The following NXPH4 variants were observed in gnomAD, a reference collection of about 807,000 sequenced individuals.
NXPH4 encodes neurexophilin 4.
Under a neutral mutation model 21.3 loss-of-function variants are expected in NXPH4, and 8 were observed. The ratio of observed to expected loss-of-function variants is 0.38; its 90% CI spans 0.22 to 0.68. The LOEUF (loss-of-function observed/expected upper bound fraction) is 0.68, where lower values mean the gene tolerates loss of function less well. Ranked by LOEUF, NXPH4 falls within the 30% of genes least tolerant of loss-of-function variation. NXPH4 has a pLI of 0.53. For missense variants in NXPH4, 418 were observed against 416.8 expected, an observed-to-expected ratio of 1.00 and a Z score of -0.03; for synonymous variants, 219 against 192.6, an observed-to-expected ratio of 1.14 and a Z score of -1.13.
Position 57,225,795 on chromosome 12 carries a change from C to G in NXPH4, c.*48C>G, listed in dbSNP as rs748605362. The G allele has an allele frequency of 6.7e-5, 105 of 1,572,216 alleles. No homozygotes were observed. Among genetic ancestry groups the G allele is most frequent in the Admixed American group, 1.0e-4 (6 of 57,580 alleles). On this transcript the variant is annotated 3_prime_UTR_variant, in exon 2 of 2. Coordinates refer to ENST00000349394, the MANE Select transcript of NXPH4 (RefSeq NM_007224.4). Reference sequence around the variant, plus strand: ...AGCCTCCCGCCAAATCCCAGCCTCACTAGGTGGGACCCCCTTCCCAGTGTT... The same window carrying G: ...AGCCTCCCGCCAAATCCCAGCCTCAGTAGGTGGGACCCCCTTCCCAGTGTT...
chr12:57,221,925 C>T (rs1312777478), intron 1 of NXPH4, among the ~76,000 whole-genome samples: 1 of 152,012 alleles, frequency 6.6e-6, no homozygotes, highest in African/African-American at 2.4e-5. Flanking sequence ...GGGAGAAAAT[C>T]AGAATCATGG....
At chr12:57,222,254 C>T (rs2037099049) in intron 1 of NXPH4, among the ~76,000 whole-genome samples, 2 of 152,084 alleles carry the variant, frequency 1.3e-5, no homozygotes, top group Admixed American at 1.3e-4. Context: ...CCAGGGGATT[C>T]GCCAGGATCA....
intron 1 of NXPH4, among the ~76,000 whole-genome samples, chr12:57,217,898 G>T (rs556305463): frequency 6.6e-6 from 1 of 152,362 alleles, no homozygotes; most frequent in East Asian, 1.9e-4. Flanking sequence ...GGGGCCGAGG[G>T]TACATGTGTA....
At chr12:57,217,610 A>AC (rs767773067) in intron 1 of NXPH4, among the ~76,000 whole-genome samples, 2 of 149,748 alleles carry the variant, frequency 1.3e-5, no homozygotes, top group African/African-American at 2.5e-5. Flanking sequence ...TCACAGACAC[A>AC]CCCCCCTCTC....
rs571411367 is a variant in NXPH4, at chr12:57,218,415, T to TG, written c.57+1397dup. On this transcript the variant is annotated intron_variant, in intron 1 of 1. Coordinates refer to ENST00000349394, the MANE Select transcript of NXPH4 (RefSeq NM_007224.4). ...CTCTGTCCTTAGTGAACTGGAGGAGTGGGGGGGGTCTGTGCCCTACCACCC... is the reference window on the plus strand; with the variant it reads ...CTCTGTCCTTAGTGAACTGGAGGAGTGGGGGGGGGTCTGTGCCCTACCACCC... Among the ~76,000 whole-genome samples, 962 of 151,270 alleles carry TG rather than the reference T, an allele frequency of 6.4e-3. 6 individuals are homozygous for TG. Among genetic ancestry groups the TG allele is most frequent in the Admixed American group, 0.011 (160 of 15,198 alleles).
chr12:57,218,818 T>C (rs538946224), intron 1 of NXPH4, among the ~76,000 whole-genome samples: 119 of 152,312 alleles, frequency 7.8e-4, no homozygotes, highest in African/African-American at 2.8e-3. Context: ...CGGGGAGGTG[T>C]GGGTATATGA....
chr12:57,217,081 G>T, intron 1 of NXPH4, 55 bp downstream of exon 1: 1 of 1,494,300 alleles, frequency 6.7e-7, no homozygotes. Flanking sequence ...GGGACGCGAA[G>T]GTCCCAGTGT....
At position 57,225,335 on chromosome 12, in the gene NXPH4, T is replaced by TC; in HGVS notation, c.520dup (p.His174ProfsTer65). On this transcript the variant is annotated frameshift_variant, in exon 2 of 2. Coordinates refer to ENST00000349394, the MANE Select transcript of NXPH4 (RefSeq NM_007224.4). LOFTEE classifies it high-confidence loss of function. ...GGAGGAGTCTGGCTGCCCGGGCCTGTCCCCCACCCTCTGCAGTCTACGCTC... is the reference window on the plus strand; with the variant it reads ...GGAGGAGTCTGGCTGCCCGGGCCTGTCCCCCCACCCTCTGCAGTCTACGCTC... The TC allele has an allele frequency of 6.4e-7, 1 of 1,568,072 alleles. No homozygotes were observed. The highest frequency in any genetic ancestry group is 1.2e-5 in the South Asian group (1 of 83,710).
At position 57,225,763 on chromosome 12, in the gene NXPH4, A is replaced by T. The variant is rs763772037; in HGVS notation, c.*16A>T. The stretch of plus-strand genomic sequence containing the variant: ...CTTCGGATAGCGCCCCTCCCCAGCC[A>T]GTCCTGAGCCTCCCGCCAAATCCCA... On this transcript the variant is annotated 3_prime_UTR_variant, in exon 2 of 2. Coordinates refer to ENST00000349394, the MANE Select transcript of NXPH4 (RefSeq NM_007224.4). The T allele has an allele frequency of 1.3e-6, 2 of 1,598,134 alleles. No individual in the cohort carries two copies. The highest frequency in any genetic ancestry group is 2.2e-5 in the East Asian group (1 of 44,602).
intron 1 of NXPH4, among the ~76,000 whole-genome samples, chr12:57,220,988 T>C (rs1021974704): frequency 7.9e-5 from 12 of 151,890 alleles, no homozygotes; most frequent in Non-Finnish European, 1.5e-5. Flanking sequence ...TTCATTTCTC[T>C]GGTCCTTACC....
chr12:57,223,877 T>C (rs2037116284), intron 1 of NXPH4, among the ~76,000 whole-genome samples: 5 of 152,036 alleles, frequency 3.3e-5, no homozygotes, highest in Admixed American at 2.6e-4. Flanking sequence ...CTGAGACACA[T>C]AGAACGGGTG....
chr12:57,223,007 T>C (rs2037106694), intron 1 of NXPH4, among the ~76,000 whole-genome samples: 1 of 152,108 alleles, frequency 6.6e-6, no homozygotes, highest in African/African-American at 2.4e-5. Context: ...CACATGGGTG[T>C]GGGCAAACAG....
intron 1 of NXPH4, among the ~76,000 whole-genome samples, chr12:57,223,791 G>A (rs1299361151): frequency 2.0e-5 from 3 of 152,126 alleles, no homozygotes; most frequent in Non-Finnish European, 2.9e-5. Context: ...TTGATGGCCC[G>A]GGCCTGGCCC....
At chr12:57,217,103 C>G in intron 1 of NXPH4, 77 bp downstream of exon 1, 1 of 1,295,318 alleles carries the variant, frequency 7.7e-7, no homozygotes, top group South Asian at 1.3e-5. Flanking sequence ...CGAGGGGCTC[C>G]GTGCGCCCGC....
chr12:57,222,037 A>G (rs1265544263), intron 1 of NXPH4, among the ~76,000 whole-genome samples: 1 of 152,206 alleles, frequency 6.6e-6, no homozygotes, highest in Non-Finnish European at 1.5e-5. Context: ...CAAGAGAGGG[A>G]GAGAGAGCAC....
chr12:57,223,522 C>T (rs1195588972), intron 1 of NXPH4, among the ~76,000 whole-genome samples: 1 of 152,188 alleles, frequency 6.6e-6, no homozygotes, highest in East Asian at 1.9e-4. Context: ...ACCGGCCACA[C>T]ACACACAACC....
intron 1 of NXPH4, among the ~76,000 whole-genome samples, chr12:57,223,809 C>T (rs2037114762): frequency 6.6e-6 from 1 of 152,262 alleles, no homozygotes; most frequent in Non-Finnish European, 1.5e-5. Flanking sequence ...CCCGGCCGCT[C>T]CTGCCTCTCG....
Position 57,225,526 on chromosome 12 carries a change from G to T in NXPH4, c.706G>T (p.Glu236Ter). The T allele has an allele frequency of 6.2e-7, 1 of 1,612,762 alleles. No individual in the cohort carries two copies. The highest frequency in any genetic ancestry group is 1.1e-5 in the South Asian group (1 of 91,066). Reference protein sequence around the residue: ...KESRAFNCHVEYEKTNRARKH... With the variant: ...KESRAFNCHV ...GTCACGCGCTTTCAATTGCCACGTG[G>T]AGTATGAGAAGACAAACCGCGCGCG... The change falls in exon 2 of 2, where the codon GAG becomes TAG. Residue 236 changes from glutamate (E) to a stop codon, truncating the protein, a stop_gained. Coordinates refer to ENST00000349394, the MANE Select transcript of NXPH4 (RefSeq NM_007224.4). LOFTEE classifies it high-confidence loss of function.
intron 1 of NXPH4, among the ~76,000 whole-genome samples, chr12:57,220,768 GT>G (rs1430992987): frequency 6.6e-6 from 1 of 151,832 alleles, no homozygotes; most frequent in African/African-American, 2.4e-5. Context: ...GTCTTCCCTT[GT>G]CCCCCATTTC....
Sources: allele counts gnomAD v4.1 joint callset (sites outside exome capture counted in the v4.1 genomes callset), GRCh38; gene constraint gnomAD v4.1.1; transcripts MANE v1.5; gene names NCBI Gene and HGNC (gene_info 2026-07-23, HGNC 2026-07-21).